SPON1: variants seen among roughly 807,000 people sequenced by gnomAD.
SPON1 encodes spondin-1.
Under a neutral mutation model 111.7 loss-of-function variants are expected in SPON1, and 52 were observed. The ratio of observed to expected loss-of-function variants is 0.47; its 90% CI spans 0.37 to 0.59. The LOEUF (loss-of-function observed/expected upper bound fraction) is 0.59. SPON1 is among the 20% of genes least tolerant of loss of function. The pLI, the probability that SPON1 is intolerant of heterozygous loss-of-function variation, is 0.00. For synonymous variants in SPON1, 410 were observed against 395.8 expected (o/e 1.04, Z -0.43); for missense variants, 957 against 1,068.5 (o/e 0.90, Z 1.46).
intron 7 of SPON1, among the ~76,000 whole-genome samples, chr11:14,247,885 T>A (rs1341431184): frequency 6.6e-6 from 1 of 152,170 alleles, no homozygotes; most frequent in Non-Finnish European, 1.5e-5. Flanking sequence ...AGGGCAAGAA[T>A]TCTGCACTGA....
chr11:14,162,050 C>A (rs1039293207), intron 6 of SPON1, among the ~76,000 whole-genome samples: 1 of 150,694 alleles, frequency 6.6e-6, no homozygotes, highest in East Asian at 2.0e-4. Context: ...CCCAGCTACT[C>A]GGGAGGCTGA....
intron 2 of SPON1, among the ~76,000 whole-genome samples, chr11:14,031,748 T>TA (rs782530254): frequency 4.9e-4 from 75 of 152,266 alleles, no homozygotes; most frequent in Middle Eastern, 6.8e-3. Flanking sequence ...ATCTGAATTT[T>TA]AAAAAATCTA....
chr11:14,178,564 T>A (rs533685367), intron 6 of SPON1, among the ~76,000 whole-genome samples: 12 of 152,286 alleles, frequency 7.9e-5, no homozygotes, highest in African/African-American at 2.9e-4. Flanking sequence ...TGGGCTAAAT[T>A]GTTACATACT....
intron 6 of SPON1, among the ~76,000 whole-genome samples, chr11:14,179,723 T>A (rs1848217999): frequency 6.6e-6 from 1 of 152,154 alleles, no homozygotes; most frequent in Non-Finnish European, 1.5e-5. Flanking sequence ...AGCACCCAGA[T>A]TGATGCCTGG....
intron 6 of SPON1, among the ~76,000 whole-genome samples, chr11:14,136,104 G>C (rs1156388786): frequency 6.6e-6 from 1 of 152,184 alleles, no homozygotes; most frequent in Non-Finnish European, 1.5e-5. Flanking sequence ...ATACCTCTGT[G>C]AGATAAGGGA....
Position 14,075,326 on chromosome 11 carries a change from G to A in SPON1, c.480-19G>A. 1.3e-6 allele frequency: 2 copies of A among 1,551,356 alleles called. No homozygotes were observed. The highest frequency in any genetic ancestry group is 1.7e-6 in the Non-Finnish European group (2 of 1,145,528). ...TCCTGCCCTCCTCACCACTGTGCTTGGGTCTTCTTTCTTCACAGGGCCAGC... is the reference window on the plus strand; with the variant it reads ...TCCTGCCCTCCTCACCACTGTGCTTAGGTCTTCTTTCTTCACAGGGCCAGC... On this transcript the variant is annotated intron_variant, in intron 3 of 15. Coordinates refer to ENST00000576479, the MANE Select transcript of SPON1 (RefSeq NM_006108.4).
chr11:14,006,284 A>C (rs1470855426), intron 2 of SPON1, among the ~76,000 whole-genome samples: 9 of 152,124 alleles, frequency 5.9e-5, no homozygotes, highest in Admixed American at 5.9e-4. Flanking sequence ...TGCTAGCAGA[A>C]ATTGTTTTTT....
intron 5 of SPON1, among the ~76,000 whole-genome samples, chr11:14,094,036 A>G (rs1021133000): frequency 6.6e-6 from 1 of 152,116 alleles, no homozygotes; most frequent in Non-Finnish European, 1.5e-5. Context: ...ACATGGTGAA[A>G]CCCTGTCTCT....
At chr11:14,014,169 C>T (rs904482159) in intron 2 of SPON1, among the ~76,000 whole-genome samples, 2 of 152,150 alleles carry the variant, frequency 1.3e-5, no homozygotes, top group African/African-American at 2.4e-5. Flanking sequence ...CTTCATCTTG[C>T]AGCTACGTGG....
intron 6 of SPON1, among the ~76,000 whole-genome samples, chr11:14,187,123 A>G (rs1460509274): frequency 2.0e-5 from 3 of 152,194 alleles, no homozygotes; most frequent in Non-Finnish European, 2.9e-5. Flanking sequence ...ATGTCACAAG[A>G]TGAGAGAAGG....
chr11:14,130,056 C>T (rs1847509800), intron 5 of SPON1, among the ~76,000 whole-genome samples: 1 of 152,128 alleles, frequency 6.6e-6, no homozygotes, highest in East Asian at 1.9e-4. Context: ...AGTCAATAGT[C>T]AAATAGTCAA....
intron 3 of SPON1, among the ~76,000 whole-genome samples, chr11:14,055,777 T>C (rs1426005711): frequency 1.3e-5 from 2 of 152,164 alleles, no homozygotes; most frequent in Admixed American, 6.5e-5. Context: ...TGTTGAGGAC[T>C]TGGGGAGTGC....
At chr11:13,963,228 G>A in intron 1 of SPON1, 86 bp downstream of exon 1, 1 of 1,077,526 alleles carries the variant, frequency 9.3e-7, no homozygotes, top group Non-Finnish European at 1.3e-6. Flanking sequence ...GAGGGCGCGC[G>A]GTCTCCGGGC....
At position 14,197,842 on chromosome 11, in the gene SPON1, A is replaced by G. The variant is rs1015013561; in HGVS notation, c.826-45490A>G. ...ATAAATAAACAAATAATAAAAATAAAAACACAAAATTATAAATGCTAAGTA... is the reference window on the plus strand; with the variant it reads ...ATAAATAAACAAATAATAAAAATAAGAACACAAAATTATAAATGCTAAGTA... On this transcript the variant is annotated intron_variant, in intron 6 of 15. Transcript: ENST00000576479. 2.6e-5 allele frequency among the ~76,000 whole-genome samples: 4 copies of G among 152,186 alleles called. No homozygotes were observed. In the South Asian group the frequency reaches 8.3e-4, roughly 32 times the overall value.
At chr11:14,003,472 T>G (rs1464788015) in intron 2 of SPON1, among the ~76,000 whole-genome samples, 1 of 152,110 alleles carries the variant, frequency 6.6e-6, no homozygotes, top group Non-Finnish European at 1.5e-5. Flanking sequence ...TCTTTCAGTG[T>G]TTTAGGCAAC....
chr11:14,014,264 C>A (rs1312171219), intron 2 of SPON1, among the ~76,000 whole-genome samples: 3 of 152,022 alleles, frequency 2.0e-5, no homozygotes, highest in Non-Finnish European at 4.4e-5. Context: ...GGAAGGCCAT[C>A]GGTGGGAAGG....
intron 6 of SPON1, among the ~76,000 whole-genome samples, chr11:14,240,729 A>T (rs1848916334): frequency 6.6e-6 from 1 of 152,056 alleles, no homozygotes; most frequent in African/African-American, 2.4e-5. Flanking sequence ...ATGGCCAGCT[A>T]ACTTGGCAGC....
chr11:14,138,277 T>G (rs1478257287), intron 6 of SPON1, among the ~76,000 whole-genome samples: 1 of 152,170 alleles, frequency 6.6e-6, no homozygotes, highest in Non-Finnish European at 1.5e-5. Context: ...TAGATATTCT[T>G]GGAGGTAAAT....
At chr11:14,237,185 A>G (rs1336823652) in intron 6 of SPON1, among the ~76,000 whole-genome samples, 3 of 152,230 alleles carry the variant, frequency 2.0e-5, no homozygotes, top group African/African-American at 7.2e-5. Flanking sequence ...TGAAAAAGTT[A>G]CCTTCAGAGG....
Sources: gnomAD v4.1 joint callset for allele counts (sites outside exome capture counted in the v4.1 genomes callset) on GRCh38, gnomAD v4.1.1 for gene constraint, MANE v1.5 for transcripts, NCBI Gene and HGNC (gene_info 2026-07-23, HGNC 2026-07-21) for gene names.